VAT1L: variants seen among roughly 807,000 people sequenced by gnomAD.
VAT1L encodes the protein vesicle amine transport 1 like, also known as putative NADPH-dependent quinone oxidoreductase VAT1L.
A neutral mutation model predicts 44.1 loss-of-function variants in VAT1L; 34 were observed. The observed-to-expected ratio is 0.77, with a 90% confidence interval of 0.59 to 1.03. VAT1L has a LOEUF of 1.03. Ranked by LOEUF, VAT1L falls within the 50% of genes least tolerant of loss-of-function variation. VAT1L has a pLI of 0.00. For missense variants in VAT1L, 615 were observed against 538.8 expected (o/e 1.14, Z -1.40); for synonymous variants, 253 against 202.2 (o/e 1.25, Z -2.13).
At position 77,978,059 on chromosome 16, in the gene VAT1L, C is replaced by T. The variant is rs576132569; in HGVS notation, c.*364C>T. 2.4e-5 allele frequency: 5 copies of T among 207,348 alleles called. No individual in the cohort carries two copies. In the South Asian group the frequency reaches 4.1e-4, roughly 17 times the overall value. The allele number at this position is 207,348 out of a possible 1,614,324, so 12.8% of individuals were successfully genotyped here. A position where few individuals can be genotyped will look rare whatever the true frequency, so the allele number is the denominator to read the frequency against. ...ACAAGTTTGGATGGAAAGGTGTTAT[C>T]ACAGAGCCCTGTCCAGCTCCTAGAA... is the stretch of plus-strand genomic sequence containing the variant. On this transcript the variant is annotated 3_prime_UTR_variant, in exon 9 of 9. Coordinates refer to ENST00000302536, the MANE Select transcript of VAT1L (RefSeq NM_020927.3).
chr16:77,959,367 C>G (rs1007681149), intron 7 of VAT1L, among the ~76,000 whole-genome samples: 2 of 152,210 alleles, frequency 1.3e-5, no homozygotes, highest in African/African-American at 2.4e-5. Flanking sequence ...AGCCTACTTG[C>G]AATGAACATG....
At chr16:77,924,908 T>C (rs1597101448) in intron 7 of VAT1L, among the ~76,000 whole-genome samples, 2 of 152,296 alleles carry the variant, frequency 1.3e-5, no homozygotes, top group East Asian at 3.9e-4. Flanking sequence ...CTCTGTACCT[T>C]TTCATTTTAC....
chr16:77,967,246 C>T (rs1202511424), intron 7 of VAT1L, among the ~76,000 whole-genome samples: 1 of 152,144 alleles, frequency 6.6e-6, no homozygotes, highest in Non-Finnish European at 1.5e-5. Context: ...AGGCAAGAAC[C>T]TTGGATGTTT....
chr16:77,959,701 T>G (rs2018141380), intron 7 of VAT1L, among the ~76,000 whole-genome samples: 7 of 152,314 alleles, frequency 4.6e-5, no homozygotes, highest in Admixed American at 4.6e-4. Context: ...AAAAAGGAAG[T>G]TGGCTACTAT....
At chr16:77,902,972 GAAA>G (rs11307214) in intron 7 of VAT1L, among the ~76,000 whole-genome samples, 4 of 96,384 alleles carry the variant, frequency 4.2e-5, no homozygotes, top group Non-Finnish European at 8.1e-5. Flanking sequence ...GACTCTGTCT[GAAA>G]AAAAAAAAAA....
intron 7 of VAT1L, among the ~76,000 whole-genome samples, chr16:77,963,958 C>T (rs1257312733): frequency 6.6e-6 from 1 of 152,138 alleles, no homozygotes; most frequent in Non-Finnish European, 1.5e-5. Context: ...TTCCGTGGTG[C>T]AAATAGTGGC....
chr16:77,855,139 A>T (rs1159863153), intron 3 of VAT1L, among the ~76,000 whole-genome samples: 2 of 152,118 alleles, frequency 1.3e-5, no homozygotes, highest in Non-Finnish European at 2.9e-5. Context: ...CAGGAGTTTG[A>T]GATCAGCCTG....
chr16:77,924,634 G>C (rs1373928035), intron 7 of VAT1L, among the ~76,000 whole-genome samples: 1 of 152,090 alleles, frequency 6.6e-6, no homozygotes, highest in Admixed American at 6.5e-5. Flanking sequence ...CTAATTTTTT[G>C]TATTTTTAGT....
At chr16:77,948,462 T>C (rs1054719306) in intron 7 of VAT1L, among the ~76,000 whole-genome samples, 1 of 152,140 alleles carries the variant, frequency 6.6e-6, no homozygotes, top group Non-Finnish European at 1.5e-5. Context: ...AGTTGAGCAT[T>C]TGAGTGCTGG....
At chr16:77,824,794 G>T (rs1176362758) in intron 2 of VAT1L, among the ~76,000 whole-genome samples, 1 of 150,284 alleles carries the variant, frequency 6.7e-6, no homozygotes, top group Admixed American at 6.6e-5. Context: ...AAAAAATTTG[G>T]ATAGAGTTCT....
chr16:77,809,325 A>G (rs939641751), intron 1 of VAT1L, among the ~76,000 whole-genome samples: 3 of 152,208 alleles, frequency 2.0e-5, no homozygotes, highest in African/African-American at 4.8e-5. Context: ...CCACAAATCA[A>G]TTCTTTTCCT....
At chr16:77,796,176 A>G (rs2015930251) in intron 1 of VAT1L, among the ~76,000 whole-genome samples, 1 of 152,186 alleles carries the variant, frequency 6.6e-6, no homozygotes, top group African/African-American at 2.4e-5. Flanking sequence ...AAATGGAGAT[A>G]CAACCTTATA....
At chr16:77,903,970 T>C (rs2017412316) in intron 7 of VAT1L, among the ~76,000 whole-genome samples, 1 of 151,922 alleles carries the variant, frequency 6.6e-6, no homozygotes, top group Non-Finnish European at 1.5e-5. Context: ...TCTCATGACC[T>C]TGTGATCCGC....
chr16:77,867,576 G>T (rs752093006), intron 4 of VAT1L, among the ~76,000 whole-genome samples: 1 of 151,904 alleles, frequency 6.6e-6, no homozygotes, highest in African/African-American at 2.4e-5. Context: ...TATATTTAAG[G>T]CCAGGCTTTG....
chr16:77,833,563 C>G (rs142806127), intron 3 of VAT1L, among the ~76,000 whole-genome samples: 1 of 151,918 alleles, frequency 6.6e-6, no homozygotes, highest in African/African-American at 2.4e-5. Flanking sequence ...CCATCCTGGC[C>G]AACACGGTGA....
chr16:77,880,042 A>G (rs1600150), intron 6 of VAT1L, among the ~76,000 whole-genome samples: 1,586 of 152,208 alleles, frequency 0.01, 18 homozygotes, highest in African/African-American at 0.036. Flanking sequence ...TGCTTTCAAT[A>G]TGGTGGTTAG....
At chr16:77,816,807 G>A (rs1042823194) in intron 1 of VAT1L, 114 bp from the exon 2 acceptor site, 14 of 1,311,768 alleles carry the variant, frequency 1.1e-5, no homozygotes, top group Non-Finnish European at 1.4e-5. Context: ...ACAGGAAGGA[G>A]TGAAGAAGGG....
chr16:77,877,627 A>G (rs920991777), intron 5 of VAT1L, among the ~76,000 whole-genome samples: 1 of 151,918 alleles, frequency 6.6e-6, no homozygotes, highest in South Asian at 2.1e-4. Context: ...GGTTTATCCA[A>G]TGTTTAAGAT....
intron 1 of VAT1L, among the ~76,000 whole-genome samples, chr16:77,798,537 GA>G (rs1413603376): frequency 6.6e-6 from 1 of 152,174 alleles, no homozygotes; most frequent in East Asian, 1.9e-4. Context: ...ATGAATAAAT[GA>G]AGTGTGTGTG....
Sources: gnomAD v4.1 joint callset for allele counts (sites outside exome capture counted in the v4.1 genomes callset) on GRCh38, gnomAD v4.1.1 for gene constraint, MANE v1.5 for transcripts, NCBI Gene and HGNC (gene_info 2026-07-23, HGNC 2026-07-21) for gene names.